The following ORC2 variants were observed in gnomAD, a reference collection of about 807,000 sequenced individuals.
The protein encoded by ORC2 is origin recognition complex subunit 2, also known as origin recognition complex protein 2 homolog.
A neutral mutation model predicts 77.7 loss-of-function variants in ORC2; 37 were observed. The observed-to-expected ratio is 0.48, with a 90% CI of 0.37 to 0.63. The LOEUF (loss-of-function observed/expected upper bound fraction) is 0.63, where lower values mean the gene tolerates loss of function less well. ORC2 is among the 20% of genes least tolerant of loss of function. The pLI is 0.00. For synonymous variants in ORC2, 201 were observed against 229.5 expected (o/e 0.88, Z 1.12); for missense variants, 557 against 661.9 (o/e 0.84, Z 1.74).
intron 10 of ORC2, among the ~76,000 whole-genome samples, chr2:200,932,334 CTTTT>C (rs869076427): frequency 5.0e-5 from 6 of 120,162 alleles, no homozygotes; most frequent in Admixed American, 1.8e-4. Flanking sequence ...TCATTTCAAA[CTTTT>C]TTTTTTTTTT....
chr2:200,926,703 T>C, intron 12 of ORC2, 65 bp downstream of exon 12: 1 of 1,533,706 alleles, frequency 6.5e-7, no homozygotes. Flanking sequence ...TCCATCCTCA[T>C]TTATGTGGGG....
intron 11 of ORC2, among the ~76,000 whole-genome samples, chr2:200,927,313 G>C (rs1203928023): frequency 1.3e-5 from 2 of 151,678 alleles, no homozygotes; most frequent in African/African-American, 4.8e-5. Context: ...TGAACAACTG[G>C]GCTCAAGTAA....
chr2:200,941,967 C>T lies in ORC2; in HGVS notation c.422-688G>A, dbSNP rs545793344. Among the ~76,000 whole-genome samples the T allele has an allele frequency of 5.0e-4, 76 of 151,462 alleles. 1 individual carries two copies. The South Asian group carries it at 0.016, about 31-fold the overall frequency. On this transcript the variant is annotated intron_variant, in intron 6 of 17. Transcript: ENST00000234296. ...ACACCACTGCACTCCAGCACTCCAG[C>T]ACTCCAGCCTGGGTGAAAAGCGAGA...
At chr2:200,916,276 A>G (rs1409859435) in intron 15 of ORC2, among the ~76,000 whole-genome samples, 1 of 152,134 alleles carries the variant, frequency 6.6e-6, no homozygotes, top group Non-Finnish European at 1.5e-5. Flanking sequence ...TGAGGTCAAG[A>G]GTTCAAGACC....
intron 6 of ORC2, among the ~76,000 whole-genome samples, chr2:200,942,214 A>G (rs1034237089): frequency 1.3e-5 from 2 of 152,134 alleles, no homozygotes; most frequent in Non-Finnish European, 2.9e-5. Context: ...AAAAAACAGA[A>G]ATGTCGGCAA....
At chr2:200,931,486 A>T (rs981113428) in intron 10 of ORC2, 38 bp from the exon 11 acceptor site, 1 of 1,103,376 alleles carries the variant, frequency 9.1e-7, no homozygotes, top group Admixed American at 2.2e-5. Context: ...AGTCATTCTC[A>T]AAGCACAGAC....
chr2:200,914,077 T>C, intron 15 of ORC2, 85 bp from the exon 16 acceptor site: 1 of 814,662 alleles, frequency 1.2e-6, no homozygotes, highest in Admixed American at 2.7e-5. Flanking sequence ...ACAAAGAAAA[T>C]GTCAAGTAGT....
Position 200,925,862 on chromosome 2 carries a change from T to A in ORC2, c.1121A>T (p.Asp374Val). Residue 374 changes from aspartate to valine, a missense_variant, in exon 13 of 18, where the codon GAC (aspartate) becomes GTC (valine). Asp to Val is a radical substitution (Grantham distance 152, BLOSUM62 -3). Coordinates refer to ENST00000234296, the MANE Select transcript of ORC2 (RefSeq NM_006190.5). ...GTFRSILDQL[D>V]WIVNKFKEDS... ...TTCTTTAAATTTGTTTACTATCCAG[T>A]CTAGCTGATCCAGTATACTGCGGAA... 1 of 1,592,352 alleles carries A rather than the reference T, an allele frequency of 6.3e-7. No homozygotes were observed. Among genetic ancestry groups the A allele is most frequent in the African/African-American group, 1.3e-5 (1 of 74,658 alleles).
chr2:200,920,900 C>T, intron 14 of ORC2, 93 bp downstream of exon 14: 1 of 881,984 alleles, frequency 1.1e-6, no homozygotes, highest in Non-Finnish European at 1.6e-6. Flanking sequence ...AAAAAGCGTA[C>T]TAAAAACAGT....
In ORC2 at chr2:200,910,896, G is replaced by C. The variant is rs1004135457; in HGVS notation, c.*405C>G. 1 of 158,608 alleles carries C rather than the reference G, an allele frequency of 6.3e-6. No individual in the cohort carries two copies. Among genetic ancestry groups the C allele is most frequent in the African/African-American group, 2.4e-5 (1 of 41,572 alleles). 9.8% of individuals were successfully genotyped at this position (158,608 alleles called of 1,614,324 possible). On this transcript the variant is annotated 3_prime_UTR_variant, in exon 18 of 18. Coordinates refer to ENST00000234296, the MANE Select transcript of ORC2 (RefSeq NM_006190.5). ...CAAAACCAATTTACGTGATGCCCAT[G>C]TCTTTATACTTCCACACTCTGGAAC...
At position 200,938,931 on chromosome 2, in the gene ORC2, C is replaced by T. The variant is rs530011670; in HGVS notation, c.454-965G>A. Among the ~76,000 whole-genome samples, 24 of 151,740 alleles carry T rather than the reference C, an allele frequency of 1.6e-4. No homozygotes were observed. In the South Asian group the frequency reaches 3.5e-3, roughly 22 times the overall value. ...GTGCATGCCTGTAATCCCAGCTACT[C>T]GAGAGGTTGAGGCAGGACAACTGCT... On this transcript the variant is annotated intron_variant, in intron 7 of 17. Coordinates refer to ENST00000234296, the MANE Select transcript of ORC2 (RefSeq NM_006190.5).
At chr2:200,939,044 G>GAAAA (rs199696935) in intron 7 of ORC2, among the ~76,000 whole-genome samples, 4 of 128,318 alleles carry the variant, frequency 3.1e-5, no homozygotes, top group African/African-American at 1.2e-4. Flanking sequence ...TCCTCAGGGG[G>GAAAA]AAAAAAAAAA....
chr2:200,943,327 T>C (rs894903684), intron 5 of ORC2, among the ~76,000 whole-genome samples: 1 of 152,180 alleles, frequency 6.6e-6, no homozygotes, highest in African/African-American at 2.4e-5. Flanking sequence ...AATAGTGGTC[T>C]TTTGTTTAGG....
intron 5 of ORC2, among the ~76,000 whole-genome samples, chr2:200,946,010 G>A (rs2041243451): frequency 6.6e-6 from 1 of 151,528 alleles, no homozygotes; most frequent in Non-Finnish European, 1.5e-5. Flanking sequence ...TCTCTACCTG[G>A]TACTTCTACT....
intron 11 of ORC2, among the ~76,000 whole-genome samples, chr2:200,927,198 G>A (rs968257099): frequency 5.3e-5 from 8 of 151,612 alleles, no homozygotes; most frequent in South Asian, 2.1e-4. Context: ...ACTCTTCAGC[G>A]TCAGTCTCCC....
rs1461149429 is a variant in ORC2, at chr2:200,945,523, T to C, written c.329-2746A>G. ...ACATGGAAGTTGCAGCAAGCCAAGA[T>C]TACACCACACGTTCCAGCCGGGGCA... On this transcript the variant is annotated intron_variant, in intron 5 of 17. Transcript: ENST00000234296. Among the ~76,000 whole-genome samples, 3 of 152,078 alleles carry C rather than the reference T, an allele frequency of 2.0e-5. No individual in the cohort carries two copies. The East Asian group carries it at 5.8e-4, about 29-fold the overall frequency.
At chr2:200,949,767 T>C (rs1195220706) in intron 4 of ORC2, 124 bp from the exon 5 acceptor site, 4 of 475,434 alleles carry the variant, frequency 8.4e-6, no homozygotes, top group Admixed American at 3.8e-5. Context: ...ACTATATTTA[T>C]ATATAAAATA....
chr2:200,933,839 TA>T (rs762042218), intron 10 of ORC2, 36 bp downstream of exon 10: 117 of 1,207,264 alleles, frequency 9.7e-5, no homozygotes, highest in Middle Eastern at 2.0e-4. Flanking sequence ...CAGGACAGAG[TA>T]AAAAAAATTT....
chr2:200,956,723 G>A (rs1356833340), intron 4 of ORC2, among the ~76,000 whole-genome samples: 1 of 152,106 alleles, frequency 6.6e-6, no homozygotes, highest in Non-Finnish European at 1.5e-5. Context: ...AATGAGCTAT[G>A]ATTGTGCCAT....
Sources: gnomAD v4.1 joint callset for allele counts (sites outside exome capture counted in the v4.1 genomes callset) on GRCh38, gnomAD v4.1.1 for gene constraint, MANE v1.5 for transcripts, NCBI Gene and HGNC (gene_info 2026-07-23, HGNC 2026-07-21) for gene names.